Variants in RAVER1 observed in about 807,000 individuals in gnomAD.
RAVER1 encodes ribonucleoprotein, PTB binding 1, also known as ribonucleoprotein PTB-binding 1.
In RAVER1, 36 loss-of-function variants were observed where a neutral mutation model predicts 68.4. That is an observed-to-expected ratio of 0.53 (90% CI 0.40 to 0.70). The LOEUF (loss-of-function observed/expected upper bound fraction) is 0.70. Among genes scored for constraint, RAVER1 ranks in the 30% least tolerant of loss-of-function variants. The pLI is 0.00. For missense variants in RAVER1, 933 were observed against 1,019.8 expected (o/e 0.91, Z 1.16); for synonymous variants, 469 against 472.7 (o/e 0.99, Z 0.10).
At chr19:10,320,504 T>TA (rs773652670) in intron 9 of RAVER1, 151 bp downstream of exon 9, 46,813 of 466,442 alleles carry the variant, frequency 0.1, 625 homozygotes, top group Non-Finnish European at 0.11. Flanking sequence ...ACCCTGTCTC[T>TA]AAAAAAAAAA....
At chr19:10,319,332 C>T in intron 9 of RAVER1, 92 bp from the exon 10 acceptor site, 1 of 1,272,754 alleles carries the variant, frequency 7.9e-7, no homozygotes, top group Non-Finnish European at 1.1e-6. Context: ...TCAGGGAAGA[C>T]AGTCCCCACC....
At position 10,329,596 on chromosome 19, in the gene RAVER1, C is replaced by T. The variant is rs1410886931; in HGVS notation, c.287-485G>A. Among the ~76,000 whole-genome samples, 1 of 152,032 alleles carries T rather than the reference C, an allele frequency of 6.6e-6. No homozygotes were observed. Among genetic ancestry groups the T allele is most frequent in the African/African-American group, 2.4e-5 (1 of 41,424 alleles). On this transcript the variant is annotated intron_variant, in intron 2 of 12. Transcript: ENST00000617231. The surrounding 1 kb of genome is among the most constrained non-coding windows in gnomAD (Gnocchi z 4.6). The stretch of plus-strand genomic sequence containing the variant: ...CCGAGTAGGGGAGCCTGGACTTGAA[C>T]CCAGGCAGCCGGACTCCAGAGGCCC...
In RAVER1 at chr19:10,323,151, T is replaced by A; in HGVS notation, c.1072A>T (p.Lys358Ter). 6.3e-7 allele frequency: 1 copy of A among 1,595,124 alleles called. No homozygotes were observed. The highest frequency in any genetic ancestry group is 1.1e-5 in the South Asian group (1 of 88,688). The change falls in exon 5 of 13, where the codon AAG becomes TAG. Residue 358 changes from lysine to a stop codon, truncating the protein, a stop_gained. Transcript: ENST00000617231. LOFTEE classifies it high-confidence loss of function. The surrounding 1 kb of genome is among the most constrained non-coding windows in gnomAD (Gnocchi z 6.2). ...NPLLHGSAGGKQGLLGAPPAM... is the reference protein window; with the variant it reads ...NPLLHGSAGG ...CTGTCCAGCCCCACCTTACCCTGCT[T>A]CCCCCCCGCACTGCCATGGAGCAGG...
At position 10,328,915 on chromosome 19, in the gene RAVER1, G is replaced by A. The variant is rs2040494643; in HGVS notation, c.483C>T (p.Cys161=). ...CAGTGCGCTCACTGTAGACCAGGAA[G>A]CAGCGCTCCAGGCTGCCGAAGGGCC... ...LVRPFGSLER[C]FLVYSERTGQ... is the part of the protein sequence containing the mutation. Residue 161 remains cysteine (C), a synonymous_variant, in exon 3 of 13, where the codon TGC becomes TGT. Transcript: ENST00000617231. The surrounding 1 kb of genome is among the most constrained non-coding windows in gnomAD (Gnocchi z 4.4). 1 of 1,612,690 alleles carries A rather than the reference G, an allele frequency of 6.2e-7. No individual in the cohort carries two copies. Among genetic ancestry groups the A allele is most frequent in the East Asian group, 2.2e-5 (1 of 44,866 alleles).
At chr19:10,320,449 A>C (rs1180659558) in intron 9 of RAVER1, among the ~76,000 whole-genome samples, 2 of 147,568 alleles carry the variant, frequency 1.4e-5, no homozygotes, top group African/African-American at 5.0e-5. Context: ...GGCTGCAGTG[A>C]GCTATGATCG....
chr19:10,317,839 C>T lies in RAVER1; in HGVS notation c.1990-66G>A, dbSNP rs2040404247. 1.1e-6 allele frequency: 1 copy of T among 903,768 alleles called. No individual in the cohort carries two copies. Among genetic ancestry groups the T allele is most frequent in the Non-Finnish European group, 1.8e-6 (1 of 560,956 alleles). The allele number at this position is 903,768 out of a possible 1,614,324, so 56.0% of individuals were successfully genotyped here. The stretch of plus-strand genomic sequence containing the variant: ...GCCAGAGGAAGCACCCACCCCGCCC[C>T]CCTGCCACTGCCCCCCAGCCCTGAG... On this transcript the variant is annotated intron_variant, in intron 11 of 12. Transcript: ENST00000617231. The surrounding 1 kb of genome is among the most constrained non-coding windows in gnomAD (Gnocchi z 4.3).
In RAVER1 at chr19:10,323,046, C is replaced by T. The variant is rs930565343; in HGVS notation, c.1078+99G>A. ...CCCCCTCGGCCCTACTCCTGGGGCT[C>T]CTGTCACTGCAGCCAAGATGAGCAG... On this transcript the variant is annotated intron_variant, in intron 5 of 12. Coordinates refer to ENST00000617231, the MANE Select transcript of RAVER1 (RefSeq NM_133452.3). The surrounding 1 kb of genome is among the most constrained non-coding windows in gnomAD (Gnocchi z 6.2). 1.3e-5 allele frequency: 14 copies of T among 1,042,806 alleles called. No homozygotes were observed. The African/African-American group carries it at 1.9e-4, about 14-fold the overall frequency. 64.6% of individuals were successfully genotyped at this position (1,042,806 alleles called of 1,614,324 possible).
intron 1 of RAVER1, among the ~76,000 whole-genome samples, chr19:10,332,509 G>C (rs576820073): frequency 6.6e-6 from 1 of 152,328 alleles, no homozygotes; most frequent in South Asian, 2.1e-4. Context: ...CTAGCCACGT[G>C]CCCACCCGGT....
chr19:10,324,690 A>C (rs1208643554), intron 3 of RAVER1, among the ~76,000 whole-genome samples: 9 of 151,942 alleles, frequency 5.9e-5, no homozygotes, highest in African/African-American at 1.7e-4. Flanking sequence ...AAACACACCC[A>C]TCTTAGGGAT....
At chr19:10,321,457 C>T in intron 7 of RAVER1, 74 bp downstream of exon 7, 1 of 1,250,530 alleles carries the variant, frequency 8.0e-7, no homozygotes, top group Non-Finnish European at 1.0e-6. Flanking sequence ...GGTTGGGTCA[C>T]TCACCCGAGG....
In RAVER1 at chr19:10,316,954, C is replaced by T. The variant is rs900591254; in HGVS notation, c.*500G>A. ...AACCGCAAGGTGTGGAATGGTGGCC[C>T]GGACAGGCCGGGCCTTGAAGGAATC... is the stretch of plus-strand genomic sequence containing the variant. On this transcript the variant is annotated 3_prime_UTR_variant, in exon 13 of 13. Transcript: ENST00000617231. 7.7e-5 allele frequency: 13 copies of T among 169,416 alleles called. No homozygotes were observed. The highest frequency in any genetic ancestry group is 4.4e-4 in the Admixed American group (7 of 15,932). 10.5% of individuals were successfully genotyped at this position (169,416 alleles called of 1,614,324 possible).
At chr19:10,318,564 T>C (rs1343024076) in intron 10 of RAVER1, among the ~76,000 whole-genome samples, 192 bp from the exon 11 acceptor site, 2 of 152,196 alleles carry the variant, frequency 1.3e-5, no homozygotes, top group African/African-American at 4.8e-5. Context: ...TTCTCCATGT[T>C]GGTCAGACTG....
intron 2 of RAVER1, among the ~76,000 whole-genome samples, chr19:10,330,121 CAAA>C (rs548215492): frequency 1.2e-5 from 1 of 85,230 alleles, no homozygotes. Flanking sequence ...GACTCCATCT[CAAA>C]AAAAAAAAAA....
At position 10,333,212 on chromosome 19, in the gene RAVER1, T is replaced by C. The variant is rs1426687464; in HGVS notation, c.219+77A>G. The C allele has an allele frequency of 2.2e-6, 3 of 1,363,296 alleles. No individual in the cohort carries two copies. The highest frequency in any genetic ancestry group is 2.2e-5 in the Admixed American group (1 of 45,952). The allele number at this position is 1,363,296 out of a possible 1,614,324, so 84.4% of individuals were successfully genotyped here. A position where few individuals can be genotyped will look rare whatever the true frequency, so the allele number is the denominator to read the frequency against. Reference sequence around the variant, plus strand: ...CCAACGACCCCCGCGCACCTCAGCGTTGGTGTCGCCCGGTTCCCCCCGCGC... The same window carrying C: ...CCAACGACCCCCGCGCACCTCAGCGCTGGTGTCGCCCGGTTCCCCCCGCGC... On this transcript the variant is annotated intron_variant, in intron 1 of 12. Transcript: ENST00000617231. The surrounding 1 kb of genome is among the most constrained non-coding windows in gnomAD (Gnocchi z 4.2).
intron 2 of RAVER1, among the ~76,000 whole-genome samples, chr19:10,330,177 A>T (rs1268534969): frequency 2.0e-5 from 3 of 151,782 alleles, no homozygotes; most frequent in Admixed American, 2.0e-4. Flanking sequence ...GTGAGGCAAG[A>T]GGGGTAAGAA....
rs1176560629 is a variant in RAVER1, at chr19:10,320,872, G to A, written c.1553C>T (p.Ala518Val). ...GGCCTCCTTACCCGCCAGGTTGCTG[G>A]CCGGGAGCAGGCTGTGTAGGTTCAG... ...PYLNLHSLLP[A>V]SNLAGKEARG... is the part of the protein sequence containing the mutation. Residue 518 changes from alanine to valine, a missense_variant, in exon 9 of 13, where the codon GCC (alanine) becomes GTC (valine). Physicochemically the swap from Ala to Val is moderately conservative, Grantham distance 64. Transcript: ENST00000617231. 5.3e-6 allele frequency: 8 copies of A among 1,512,170 alleles called. No homozygotes were observed. Among genetic ancestry groups the A allele is most frequent in the Non-Finnish European group, 7.0e-6 (8 of 1,136,856 alleles). The allele number at this position is 1,512,170 out of a possible 1,614,324, so 93.7% of individuals were successfully genotyped here.
Position 10,328,331 on chromosome 19 carries a change from A to C in RAVER1, c.756+311T>G, listed in dbSNP as rs553075851. 6.6e-6 allele frequency among the ~76,000 whole-genome samples: 1 copy of C among 152,158 alleles called. No individual in the cohort carries two copies. Among genetic ancestry groups the C allele is most frequent in the South Asian group, 2.1e-4 (1 of 4,830 alleles). ...GTAATCCCAGCACTTTGGGAGGATC[A>C]CCTGAGGCCAGGAGTTCAAGACTAT... On this transcript the variant is annotated intron_variant, in intron 3 of 12. Transcript: ENST00000617231. The surrounding 1 kb of genome is among the most constrained non-coding windows in gnomAD (Gnocchi z 4.4).
Position 10,320,700 on chromosome 19 carries a change from G to A in RAVER1, c.1725C>T (p.Pro575=). 6.5e-7 allele frequency: 1 copy of A among 1,545,948 alleles called. No homozygotes were observed. Among genetic ancestry groups the A allele is most frequent in the Non-Finnish European group, 8.7e-7 (1 of 1,153,118 alleles). The change falls in exon 9 of 13, where the codon CCC becomes CCT. Residue 575 remains proline, a synonymous_variant. Coordinates refer to ENST00000617231, the MANE Select transcript of RAVER1 (RefSeq NM_133452.3). The part of the protein sequence containing the change: ...LLSPLSSARL[P]PEPGLSDSYS... ...AGCTGTCAGACAGTCCTGGTTCGGG[G>A]GGCAGGCGGGCGCTGCTGAGGGGGC...
Position 10,329,028 on chromosome 19 carries a change from A to C in RAVER1, c.370T>G (p.Ser124Ala). ...HQSRLREREL[S>A]VQLQPTDALL... The stretch of plus-strand genomic sequence containing the variant: ...GCATCCGTGGGCTGCAGCTGCACCG[A>C]CAGTTCACGCTCCCGCAGGCGGCTC... The change falls in exon 3 of 13, where the codon TCG (serine) becomes GCG (alanine). Residue 124 changes from serine (S) to alanine (A), a missense_variant. Transcript: ENST00000617231. The surrounding 1 kb of genome is among the most constrained non-coding windows in gnomAD (Gnocchi z 4.6). 1.3e-6 allele frequency: 2 copies of C among 1,559,690 alleles called. No homozygotes were observed. Among genetic ancestry groups the C allele is most frequent in the Non-Finnish European group, 1.7e-6 (2 of 1,150,018 alleles).
Sources: allele counts gnomAD v4.1 joint callset (sites outside exome capture counted in the v4.1 genomes callset), GRCh38; gene constraint gnomAD v4.1.1; non-coding constraint Gnocchi (gnomAD v3.1); transcripts MANE v1.5; gene names NCBI Gene and HGNC (gene_info 2026-07-23, HGNC 2026-07-21).